LRRC4C: variants seen among roughly 807,000 people sequenced by gnomAD.
LRRC4C encodes leucine rich repeat containing 4C.
Under a neutral mutation model 33.6 loss-of-function variants are expected in LRRC4C, and 5 were observed. The ratio of observed to expected loss-of-function variants is 0.15; its 90% CI spans 0.08 to 0.31. LRRC4C has a LOEUF of 0.31. LRRC4C is among the 10% of genes least tolerant of loss of function. The pLI, the probability that LRRC4C is intolerant of heterozygous loss-of-function variation, is 1.00. For synonymous variants in LRRC4C, 329 were observed against 302.0 expected, an observed-to-expected ratio of 1.09 and a Z score of -0.93; for missense variants, 560 against 796.7, an observed-to-expected ratio of 0.70 and a Z score of 3.58.
chr11:41,379,989 C>T (rs1953083446), intron 1 of LRRC4C, among the ~76,000 whole-genome samples: 1 of 152,034 alleles, frequency 6.6e-6, no homozygotes, highest in Non-Finnish European at 1.5e-5. Context: ...CACACAAACA[C>T]ACACACACTA....
chr11:41,433,830 T>C (rs1266260137), intron 1 of LRRC4C, among the ~76,000 whole-genome samples: 2 of 151,672 alleles, frequency 1.3e-5, no homozygotes, highest in Non-Finnish European at 1.5e-5. Flanking sequence ...TGTATACATA[T>C]ATATGCGTAT....
intron 4 of LRRC4C, among the ~76,000 whole-genome samples, chr11:40,311,880 A>T (rs1016813907): frequency 6.8e-6 from 1 of 146,590 alleles, no homozygotes; most frequent in Non-Finnish European, 1.5e-5. Flanking sequence ...GGGTGGCGGA[A>T]GTTGCAGTGA....
intron 3 of LRRC4C, among the ~76,000 whole-genome samples, chr11:40,554,791 G>C (rs1229857294): frequency 7.7e-6 from 1 of 130,696 alleles, no homozygotes; most frequent in African/African-American, 3.3e-5. Context: ...CCCAGGTGTC[G>C]GCTCACTGCA....
chr11:41,074,109 A>C (rs1349062659), intron 1 of LRRC4C, among the ~76,000 whole-genome samples: 1 of 152,210 alleles, frequency 6.6e-6, no homozygotes, highest in Non-Finnish European at 1.5e-5. Context: ...ATCGATAACA[A>C]ATAGTCAAGA....
intron 1 of LRRC4C, among the ~76,000 whole-genome samples, chr11:41,245,073 T>C (rs2136586091): frequency 6.6e-6 from 1 of 152,340 alleles, no homozygotes; most frequent in Admixed American, 6.5e-5. Context: ...GTTGGTTATG[T>C]TGCTCATCTT....
intron 2 of LRRC4C, among the ~76,000 whole-genome samples, chr11:40,773,413 A>G (rs976617864): frequency 6.6e-6 from 1 of 152,142 alleles, no homozygotes; most frequent in Admixed American, 6.5e-5. Flanking sequence ...GATATTCCAT[A>G]TACACTGTTG....
chr11:41,118,049 G>A (rs1400413263), intron 1 of LRRC4C, among the ~76,000 whole-genome samples: 2 of 152,084 alleles, frequency 1.3e-5, no homozygotes, highest in African/African-American at 2.4e-5. Context: ...CCCTTCAATG[G>A]TCATTCCTTT....
intron 1 of LRRC4C, among the ~76,000 whole-genome samples, chr11:41,214,808 T>G (rs948757518): frequency 4.8e-5 from 7 of 146,512 alleles, no homozygotes; most frequent in African/African-American, 1.5e-4. Flanking sequence ...TATATATGTG[T>G]GTGTGTATAT....
At chr11:40,186,078 G>C (rs1861378132) in intron 5 of LRRC4C, among the ~76,000 whole-genome samples, 1 of 152,108 alleles carries the variant, frequency 6.6e-6, no homozygotes. Context: ...AGAGCTTCTA[G>C]GAAGACGGCA....
intron 2 of LRRC4C, among the ~76,000 whole-genome samples, chr11:40,886,134 T>C (rs1469118062): frequency 6.6e-6 from 1 of 152,066 alleles, no homozygotes; most frequent in African/African-American, 2.4e-5. Flanking sequence ...ATAATACACT[T>C]ATATTTATTT....
intron 2 of LRRC4C, among the ~76,000 whole-genome samples, chr11:40,703,423 T>C (rs1945978998): frequency 6.6e-6 from 1 of 151,988 alleles, no homozygotes; most frequent in Non-Finnish European, 1.5e-5. Flanking sequence ...ATAAAAAATA[T>C]AAAAAATTAG....
chr11:40,785,049 C>T (rs1195394984), intron 2 of LRRC4C, among the ~76,000 whole-genome samples: 2 of 152,096 alleles, frequency 1.3e-5, no homozygotes, highest in African/African-American at 4.8e-5. Flanking sequence ...TCATTAATTG[C>T]AATGATAATG....
At chr11:41,446,783 A>AT (rs1287313823) in intron 1 of LRRC4C, among the ~76,000 whole-genome samples, 2 of 152,176 alleles carry the variant, frequency 1.3e-5, no homozygotes, top group East Asian at 3.9e-4. Flanking sequence ...TTGTGGCCTT[A>AT]TTTTTCTATT....
chr11:40,431,721 A>G (rs1156534460), intron 3 of LRRC4C, among the ~76,000 whole-genome samples: 2 of 152,218 alleles, frequency 1.3e-5, no homozygotes, highest in Admixed American at 6.5e-5. Flanking sequence ...TTCTCATAGC[A>G]ATACCAGCAC....
In LRRC4C at chr11:40,669,666, C is replaced by G. The variant is rs370416212; in HGVS notation, c.-406-21388G>C. ...GTTTCAATCAGCTTGCCTGGTACTC[C>G]CAATATATCTTCTAATGTCTTCAGA... On this transcript the variant is annotated intron_variant, in intron 2 of 6. Transcript: ENST00000528697. 8.5e-5 allele frequency among the ~76,000 whole-genome samples: 13 copies of G among 152,264 alleles called. No individual in the cohort carries two copies. In the East Asian group the frequency reaches 1.3e-3, roughly 16 times the overall value.
chr11:40,734,118 G>A (rs906768180), intron 2 of LRRC4C, among the ~76,000 whole-genome samples: 8 of 152,024 alleles, frequency 5.3e-5, no homozygotes, highest in African/African-American at 1.4e-4. Flanking sequence ...CAGTGTAAAG[G>A]AAGTCAGATA....
chr11:40,187,680 A>T (rs1861515096), intron 5 of LRRC4C, among the ~76,000 whole-genome samples: 2 of 152,122 alleles, frequency 1.3e-5, no homozygotes, highest in Non-Finnish European at 2.9e-5. Context: ...ATCATTTTTC[A>T]ACTTCCTTTG....
At chr11:41,317,431 C>G (rs1950829518) in intron 1 of LRRC4C, among the ~76,000 whole-genome samples, 1 of 152,026 alleles carries the variant, frequency 6.6e-6, no homozygotes. Flanking sequence ...TAAAAATGAA[C>G]TTATTGAAAA....
chr11:40,795,381 T>A (rs1950782834), intron 2 of LRRC4C, among the ~76,000 whole-genome samples: 1 of 151,786 alleles, frequency 6.6e-6, no homozygotes, highest in South Asian at 2.1e-4. Flanking sequence ...ACAAAAAAAA[T>A]TAGCCAGGCG....
Sources: allele counts gnomAD v4.1 joint callset (sites outside exome capture counted in the v4.1 genomes callset), GRCh38; gene constraint gnomAD v4.1.1; transcripts MANE v1.5; gene names NCBI Gene and HGNC (gene_info 2026-07-23, HGNC 2026-07-21).